FMNL3: variants seen among roughly 807,000 people sequenced by gnomAD.
FMNL3 encodes formin like 3.
In FMNL3, 57 loss-of-function variants were observed where a neutral mutation model predicts 119.6. The ratio of observed to expected loss-of-function variants is 0.48; its 90% CI spans 0.39 to 0.59. The LOEUF is 0.59. Ranked by LOEUF, FMNL3 falls within the 20% of genes least tolerant of loss-of-function variation. The probability of loss-of-function intolerance (pLI) is 0.00; values close to 1 mark genes in which losing one functional copy is unlikely to be tolerated. For synonymous variants in FMNL3, 491 were observed against 507.3 expected (o/e 0.97, Z 0.43); for missense variants, 1,053 against 1,323.5 (o/e 0.80, Z 3.17).
At chr12:49,648,378 G>A (rs1249382255) in intron 21 of FMNL3, 25 bp from the exon 22 acceptor site, 3 of 1,600,658 alleles carry the variant, frequency 1.9e-6, no homozygotes, top group South Asian at 1.1e-5. Flanking sequence ...CCTGGCTGAG[G>A]AATGCCTAGG....
chr12:49,677,284 T>C (rs1944216307), intron 1 of FMNL3, among the ~76,000 whole-genome samples: 1 of 152,210 alleles, frequency 6.6e-6, no homozygotes, highest in Non-Finnish European at 1.5e-5. Flanking sequence ...AATCAATATA[T>C]ATGTTTATCA....
Position 49,647,382 on chromosome 12 carries a change from A to G in FMNL3, c.2779-14T>C. 1 of 1,609,350 alleles carries G rather than the reference A, an allele frequency of 6.2e-7. No homozygotes were observed. The highest frequency in any genetic ancestry group is 1.1e-5 in the South Asian group (1 of 90,908). On this transcript the variant is annotated splice_polypyrimidine_tract_variant and intron_variant, in intron 23 of 25. Transcript: ENST00000335154. This position sits in a 1 kb window ranked among gnomAD's most constrained non-coding sequence, Gnocchi z 4.9. ...TTGTTCTGCTTCCTAAGAGCCATGG[A>G]AGATGGGGGGTGGGGAGTGAGGCTC...
At position 49,685,670 on chromosome 12, in the gene FMNL3, AAC is replaced by A. The variant is rs1215265272; in HGVS notation, c.127-17118_127-17117del. ...ACTTTACAACTTCAAGGTACAGAAAAACAGTCTCTACCCTTCAACAATAATTC... is the reference window on the plus strand; with the variant it reads ...ACTTTACAACTTCAAGGTACAGAAAAAGTCTCTACCCTTCAACAATAATTC... On this transcript the variant is annotated intron_variant, in intron 1 of 25. Transcript: ENST00000335154. Among the ~76,000 whole-genome samples the A allele has an allele frequency of 2.0e-5, 3 of 152,274 alleles. No homozygotes were observed. The East Asian group carries it at 5.8e-4, about 29-fold the overall frequency.
Position 49,643,210 on chromosome 12 carries a change from C to T in FMNL3, c.*2605G>A, listed in dbSNP as rs1359141044. 1.2e-6 allele frequency: 2 copies of T among 1,613,644 alleles called. No individual in the cohort carries two copies. Among genetic ancestry groups the T allele is most frequent in the Admixed American group, 3.3e-5 (2 of 59,914 alleles). On this transcript the variant is annotated 3_prime_UTR_variant, in exon 26 of 26. Coordinates refer to ENST00000335154, the MANE Select transcript of FMNL3 (RefSeq NM_175736.5). ...GAACCTCTGCACTGACATGTATCTGCTGATCTGCCCAGGGCTCTGAGTCAG... is the reference window on the plus strand; with the variant it reads ...GAACCTCTGCACTGACATGTATCTGTTGATCTGCCCAGGGCTCTGAGTCAG...
At position 49,651,175 on chromosome 12, in the gene FMNL3, ATCT is replaced by A; in HGVS notation, c.1787_1789del (p.Lys596del). Reference sequence around the variant, plus strand: ...GACCCCAGGCCCTGTTACCTCCAAGATCTTCTCATCATCAAGTTCGCTGAAGAC... The same window carrying A: ...GACCCCAGGCCCTGTTACCTCCAAGATCTCATCATCAAGTTCGCTGAAGAC... On this transcript the variant is annotated inframe_deletion, in exon 16 of 26. Transcript: ENST00000335154. 3 of 1,613,054 alleles carry A rather than the reference ATCT, an allele frequency of 1.9e-6. No individual in the cohort carries two copies. The highest frequency in any genetic ancestry group is 1.1e-5 in the South Asian group (1 of 91,056).
chr12:49,646,024 C>G (rs1269205698), intron 25 of FMNL3, 121 bp from the exon 26 acceptor site: 17 of 791,138 alleles, frequency 2.1e-5, no homozygotes, highest in Non-Finnish European at 3.4e-5. Flanking sequence ...AAACAGGAGG[C>G]TTAGATAAGG....
At chr12:49,657,663 C>T (rs1442696209) in intron 6 of FMNL3, among the ~76,000 whole-genome samples, 1 of 152,186 alleles carries the variant, frequency 6.6e-6, no homozygotes, top group East Asian at 1.9e-4. Flanking sequence ...CTATGTCTGG[C>T]TTTGCACCAC....
intron 1 of FMNL3, among the ~76,000 whole-genome samples, chr12:49,692,115 G>C (rs1180047893): frequency 6.6e-6 from 1 of 150,626 alleles, no homozygotes; most frequent in African/African-American, 2.4e-5. Context: ...CACTTTCAGA[G>C]GCCAAGGCAG....
At position 49,643,681 on chromosome 12, in the gene FMNL3, C is replaced by T; in HGVS notation, c.*2134G>A. The T allele has an allele frequency of 6.2e-7, 1 of 1,611,998 alleles. No homozygotes were observed. The highest frequency in any genetic ancestry group is 8.5e-7 in the Non-Finnish European group (1 of 1,179,440). On this transcript the variant is annotated 3_prime_UTR_variant, in exon 26 of 26. Coordinates refer to ENST00000335154, the MANE Select transcript of FMNL3 (RefSeq NM_175736.5). ...CTGTTGGGACTTAGTAGGGATTTTT[C>T]TATCTCTAGATCATGGCCTTCGGAA...
At chr12:49,685,425 G>A (rs984162583) in intron 1 of FMNL3, among the ~76,000 whole-genome samples, 14 of 151,974 alleles carry the variant, frequency 9.2e-5, no homozygotes, top group African/African-American at 1.2e-4. Context: ...TGGTGCCACC[G>A]GACTCCAGCC....
At chr12:49,655,412 C>T (rs1592649292) in intron 9 of FMNL3, among the ~76,000 whole-genome samples, 2 of 152,284 alleles carry the variant, frequency 1.3e-5, no homozygotes, top group East Asian at 3.9e-4. Context: ...AGCCTGGCCA[C>T]AGAGTGAGAC....
chr12:49,701,328 AG>A (rs1311299116), intron 1 of FMNL3, among the ~76,000 whole-genome samples: 1 of 152,174 alleles, frequency 6.6e-6, no homozygotes, highest in Non-Finnish European at 1.5e-5. Context: ...TTTCATAATC[AG>A]GAGAAAAGAA....
rs1455785975 is a variant in FMNL3, at chr12:49,644,378, C to G, written c.*1437G>C. 4.5e-6 allele frequency: 3 copies of G among 664,282 alleles called. No individual in the cohort carries two copies. In the African/African-American group the frequency reaches 5.4e-5, roughly 12 times the overall value. 41.1% of individuals were successfully genotyped at this position (664,282 alleles called of 1,614,324 possible). On this transcript the variant is annotated 3_prime_UTR_variant, in exon 26 of 26. Transcript: ENST00000335154. ...TTGGTGTTCAAGGGTCCCCTACTCC[C>G]TGGACTAGTGCAGTCCTTGCCCTCA...
rs958806933 is a variant in FMNL3 at position 49,647,818 on chromosome 12, G to A, written c.2677-14C>T. 1.9e-6 allele frequency: 3 copies of A among 1,599,388 alleles called. No individual in the cohort carries two copies. In the African/African-American group the frequency reaches 4.0e-5, roughly 21 times the overall value. On this transcript the variant is annotated splice_polypyrimidine_tract_variant and intron_variant, in intron 22 of 25. Transcript: ENST00000335154. This position sits in a 1 kb window ranked among gnomAD's most constrained non-coding sequence, Gnocchi z 4.9. Reference sequence around the variant, plus strand: ...ATTGTAGGCCTCCTGGGGAAGGGGTGGGCAGAATGGGTCACCCTGGCAGGA... The same window carrying A: ...ATTGTAGGCCTCCTGGGGAAGGGGTAGGCAGAATGGGTCACCCTGGCAGGA...
intron 1 of FMNL3, among the ~76,000 whole-genome samples, chr12:49,687,382 G>A (rs575561057): frequency 1.3e-4 from 20 of 151,806 alleles, no homozygotes; most frequent in East Asian, 5.8e-4. Context: ...ATGAGCCACC[G>A]CGCCTGGCCC....
Position 49,642,671 on chromosome 12 carries a change from T to C in FMNL3, c.*3144A>G. On this transcript the variant is annotated 3_prime_UTR_variant, in exon 26 of 26. Coordinates refer to ENST00000335154, the MANE Select transcript of FMNL3 (RefSeq NM_175736.5). This position sits in a 1 kb window ranked among gnomAD's most constrained non-coding sequence, Gnocchi z 5.8. ...CTCTTCCGGGAGTTCCTACAGGTGC[T>C]GGAGGTGAGGCAGGCTTGTCCTCTG... 6.2e-7 allele frequency: 1 copy of C among 1,613,948 alleles called. No homozygotes were observed. Among genetic ancestry groups the C allele is most frequent in the Non-Finnish European group, 8.5e-7 (1 of 1,179,924 alleles).
intron 10 of FMNL3, 29 bp from the exon 11 acceptor site, chr12:49,654,331 C>A: frequency 6.3e-7 from 1 of 1,595,636 alleles, no homozygotes; most frequent in South Asian, 1.1e-5. Flanking sequence ...AGAGAAGCAG[C>A]AACAGGAAGG....
rs1044151533 is a variant in FMNL3 at position 49,641,490 on chromosome 12, C to T, written c.*4325G>A. The T allele has an allele frequency of 1.1e-5, 2 of 177,936 alleles. No individual in the cohort carries two copies. Among genetic ancestry groups the T allele is most frequent in the African/African-American group, 4.7e-5 (2 of 42,156 alleles). 11.0% of individuals were successfully genotyped at this position (177,936 alleles called of 1,614,324 possible). A position where few individuals can be genotyped will look rare whatever the true frequency, so the allele number is the denominator to read the frequency against. ...TAAATGAGATAATGTGTGAAACACT[C>T]ATCATGGTACCTGGTACATAGTAAG... On this transcript the variant is annotated 3_prime_UTR_variant, in exon 26 of 26. Coordinates refer to ENST00000335154, the MANE Select transcript of FMNL3 (RefSeq NM_175736.5).
chr12:49,660,668 G>A (rs1943707374), intron 5 of FMNL3, among the ~76,000 whole-genome samples: 2 of 152,222 alleles, frequency 1.3e-5, no homozygotes, highest in South Asian at 4.1e-4. Context: ...TTAGAAAAGT[G>A]GAAGCTGGTT....
Sources: gnomAD v4.1 joint callset for allele counts (sites outside exome capture counted in the v4.1 genomes callset) on GRCh38, gnomAD v4.1.1 for gene constraint, Gnocchi (gnomAD v3.1) non-coding constraint, MANE v1.5 for transcripts, NCBI Gene and HGNC (gene_info 2026-07-23, HGNC 2026-07-21) for gene names.